The following KCNMB3 variants were observed in gnomAD, a reference collection of about 807,000 sequenced individuals.
KCNMB3 encodes the protein calcium-activated potassium channel subunit beta-3.
In KCNMB3, 18 loss-of-function variants were observed where a neutral mutation model predicts 11.9. That is an observed-to-expected ratio of 1.51 (90% CI 1.04 to 2.23). The LOEUF (loss-of-function observed/expected upper bound fraction) is 2.23, where lower values mean the gene tolerates loss of function less well. KCNMB3 is among the 30% of genes most tolerant of loss of function. The pLI, the probability that KCNMB3 is intolerant of heterozygous loss-of-function variation, is 0.00. For synonymous variants in KCNMB3, 78 were observed against 119.2 expected (o/e 0.65, Z 2.25); for missense variants, 247 against 329.4 (o/e 0.75, Z 1.94).
At chr3:179,251,631 A>C (rs1725847315), upstream of KCNMB3, 1 of 1,260,854 alleles carries the variant, frequency 7.9e-7, no homozygotes, top group Non-Finnish European at 1.0e-6. Context: ...TCTGGTGAAC[A>C]GAAGAGTCCA....
At chr3:179,258,643 G>A (rs1248379598) in intron 1 of KCNMB3, among the ~76,000 whole-genome samples, 1 of 152,106 alleles carries the variant, frequency 6.6e-6, no homozygotes, top group Non-Finnish European at 1.5e-5. Context: ...AATGCTATTT[G>A]GTCATTTCAA....
At chr3:179,240,184 G>A (rs1401447158), downstream of KCNMB3, 1 of 621,198 alleles carries the variant, frequency 1.6e-6, no homozygotes, top group Non-Finnish European at 2.7e-6. Context: ...GCAAGCCGGT[G>A]TTGCTAATAA....
At chr3:179,258,755 A>G (rs186739496) in intron 1 of KCNMB3, among the ~76,000 whole-genome samples, 79 of 152,320 alleles carry the variant, frequency 5.2e-4, no homozygotes, top group Non-Finnish European at 1.5e-5. Flanking sequence ...AACAGTAGAC[A>G]TTATTGTTTG....
At chr3:179,253,724 T>C (rs1352516731), upstream of KCNMB3, among the ~76,000 whole-genome samples, 1 of 152,014 alleles carries the variant, frequency 6.6e-6, no homozygotes, top group Non-Finnish European at 1.5e-5. Flanking sequence ...GAAAATCGCT[T>C]GAACCCGGGT....
chr3:179,259,700 T>C (rs1726139859), intron 1 of KCNMB3: 1 of 1,595,848 alleles, frequency 6.3e-7, no homozygotes, highest in African/African-American at 1.4e-5. Context: ...CTATGGGTAC[T>C]GGGGATTTTT....
At chr3:179,241,760 A>G (rs1403483514), downstream of KCNMB3, 12 of 153,814 alleles carry the variant, frequency 7.8e-5, 1 homozygote, top group Admixed American at 7.8e-4. Context: ...ATTGTTGACT[A>G]TCCATGTGGG....
In KCNMB3 at chr3:179,260,307, G is replaced by T. The variant is rs1204423439; in HGVS notation, c.62+6342C>A. On this transcript the variant is annotated intron_variant, in intron 1 of 3. Coordinates refer to the KCNMB3 transcript ENST00000349697. ...CTGTGCTGTGTTTTCAGGGAGAGAA[G>T]CGCTCTCAAGAATTTGGCTTTGAAC... 3.7e-6 allele frequency: 6 copies of T among 1,613,902 alleles called. No homozygotes were observed. The East Asian group carries it at 1.3e-4, about 36-fold the overall frequency.
chr3:179,248,271 G>A (rs780530007), intron 1 of KCNMB3, among the ~76,000 whole-genome samples: 5 of 152,186 alleles, frequency 3.3e-5, no homozygotes, highest in Non-Finnish European at 7.3e-5. Context: ...ATGGGCTGCT[G>A]TAGGTTTAAG....
At chr3:179,248,102 C>T (rs1725706723) in intron 1 of KCNMB3, among the ~76,000 whole-genome samples, 1 of 152,178 alleles carries the variant, frequency 6.6e-6, no homozygotes, top group Admixed American at 6.5e-5. Context: ...CCCCATTCCC[C>T]TCATTTCAGC....
rs772800177 is a variant in KCNMB3 at position 179,251,105 on chromosome 3, TA to T, written c.-116del. ...TTCAGAGCTTGGTGAAAAGTCCATC[TA>T]AATAAGCTAAAGTGATGTGTAATCA... On this transcript the variant is annotated 5_prime_UTR_variant, in exon 1 of 3. Transcript: ENST00000392685. The T allele has an allele frequency of 3.7e-6, 6 of 1,614,104 alleles. No homozygotes were observed. Among genetic ancestry groups the T allele is most frequent in the Admixed American group, 1.7e-5 (1 of 60,008 alleles).
At chr3:179,244,981 GTGAGTT>G (rs1725588125) in intron 1 of KCNMB3, among the ~76,000 whole-genome samples, 1 of 152,162 alleles carries the variant, frequency 6.6e-6, no homozygotes, top group Admixed American at 6.5e-5. Context: ...AGAATCATCT[GTGAGTT>G]TGTTAGAATG....
intron 1 of KCNMB3, chr3:179,260,153 C>A (rs1309537589): frequency 5.0e-6 from 8 of 1,610,048 alleles, no homozygotes; most frequent in Admixed American, 3.3e-5. Context: ...GCTCTCCAAC[C>A]TGAGTCACCG....
chr3:179,244,213 A>G (rs1725558614), intron 2 of KCNMB3, among the ~76,000 whole-genome samples: 1 of 152,132 alleles, frequency 6.6e-6, no homozygotes, highest in Non-Finnish European at 1.5e-5. Flanking sequence ...GCGGAGTGGA[A>G]TCTCCAAAAG....
chr3:179,261,334 C>T (rs113171646), intron 1 of KCNMB3: 2 of 1,182,376 alleles, frequency 1.7e-6, no homozygotes, highest in Non-Finnish European at 1.1e-6. Flanking sequence ...CCGGAGCCCC[C>T]CCCCGCGGGC....
At position 179,250,813 on chromosome 3, in the gene KCNMB3, C is replaced by CA. The variant is rs1304658353; in HGVS notation, c.177dup (p.Ala60CysfsTer81). ...ATTAGGACTGAGAAGCCCATCATGG[C>CA]AAACCCCAGCATCACGGCTCGGTCC... On this transcript the variant is annotated frameshift_variant, in exon 1 of 3. Transcript: ENST00000392685. LOFTEE classifies it high-confidence loss of function. 1.2e-6 allele frequency: 2 copies of CA among 1,614,202 alleles called. No individual in the cohort carries two copies. Among genetic ancestry groups the CA allele is most frequent in the South Asian group, 2.2e-5 (2 of 91,088 alleles).
chr3:179,240,327 T>G (rs923908535), downstream of KCNMB3: 1 of 371,210 alleles, frequency 2.7e-6, no homozygotes, highest in Non-Finnish European at 4.9e-6. Flanking sequence ...AATGTATGTT[T>G]AAATATTTAC....
chr3:179,242,638 T>C (rs1725491814), downstream of KCNMB3: 3 of 360,344 alleles, frequency 8.3e-6, no homozygotes, highest in African/African-American at 2.2e-5. Flanking sequence ...AAAGAATATC[T>C]TGAACTCATT....
At chr3:179,250,599 C>A (rs1042241244) in intron 1 of KCNMB3, 144 bp downstream of exon 1, 5 of 845,644 alleles carry the variant, frequency 5.9e-6, no homozygotes, top group East Asian at 5.1e-5. Flanking sequence ...GCACTGACAG[C>A]GGAAGAGGAA....
intron 1 of KCNMB3, among the ~76,000 whole-genome samples, chr3:179,256,959 C>T (rs554546404): frequency 2.6e-5 from 4 of 152,102 alleles, no homozygotes; most frequent in South Asian, 2.1e-4. Flanking sequence ...CCCAGGAGTT[C>T]GAGACCAGCC....
Sources: gnomAD v4.1 joint callset for allele counts (sites outside exome capture counted in the v4.1 genomes callset) on GRCh38, gnomAD v4.1.1 for gene constraint, MANE v1.5 for transcripts, NCBI Gene and HGNC (gene_info 2026-07-23, HGNC 2026-07-21) for gene names.